UBR2: variants seen among roughly 807,000 people sequenced by gnomAD.
UBR2 encodes the protein ubiquitin protein ligase E3 component n-recognin 2.
A neutral mutation model predicts 247.9 loss-of-function variants in UBR2; 92 were observed. That is an observed-to-expected ratio of 0.37 (90% confidence interval 0.31 to 0.44). The LOEUF (loss-of-function observed/expected upper bound fraction) is 0.44, where lower values mean the gene tolerates loss of function less well. Ranked by LOEUF, UBR2 falls within the 20% of genes least tolerant of loss-of-function variation. The pLI is 1.00. For synonymous variants in UBR2, 672 were observed against 693.5 expected (o/e 0.97, Z 0.49); for missense variants, 1,613 against 2,112.6 (o/e 0.76, Z 4.64).
chr6:42,640,386 GTGTGTGTGTGTGTGTGTGTGTGTGTGT>G lies in UBR2; in HGVS notation c.1920+117_1920+143del, dbSNP rs1796358445. The G allele has an allele frequency of 4.8e-5, 22 of 461,236 alleles. 3 individuals carry two copies. Among genetic ancestry groups the G allele is most frequent in the Non-Finnish European group, 6.8e-5 (18 of 263,396 alleles). The allele number at this position is 461,236 out of a possible 1,614,324, so 28.6% of individuals were successfully genotyped here. A position where few individuals can be genotyped will look rare whatever the true frequency, so the allele number is the denominator to read the frequency against. On this transcript the variant is annotated intron_variant, in intron 16 of 46. Transcript: ENST00000372901. ...TCCAGAGGAACAGAACCAGTAAGGT[GTGTGTGTGTGTGTGTGTGTGTGTGTGT>G]GTGTGTGTGTGTGTGTGTGTGTATA...
At chr6:42,682,416 A>G (rs408725) in intron 42 of UBR2, among the ~76,000 whole-genome samples, 41,522 of 151,456 alleles carry the variant, frequency 0.27, 5,699 homozygotes, top group Non-Finnish European at 0.3. Flanking sequence ...TATGTTATAT[A>G]TATTTTACCA....
Position 42,663,431 on chromosome 6 carries a change from C to A in UBR2, c.3698+12C>A. ...AATATTTTTAACAAGTAAGTTTTGG[C>A]TCATGACAACTATTACAAAGCAATA... On this transcript the variant is annotated intron_variant, in intron 32 of 46. Coordinates refer to ENST00000372901, the MANE Select transcript of UBR2 (RefSeq NM_001363705.2). The A allele has an allele frequency of 6.3e-7, 1 of 1,599,308 alleles. No homozygotes were observed.
chr6:42,632,951 C>CTTTTTTTTTTTTTTTTT, intron 13 of UBR2, 47 bp downstream of exon 13: 1 of 941,776 alleles, frequency 1.1e-6, no homozygotes, highest in Non-Finnish European at 1.4e-6. Flanking sequence ...TTTTTTTTCT[C>CTTTTTTTTTTTTTTTTT]TTTTCTCTTT....
chr6:42,632,679 A>C lies in UBR2; in HGVS notation c.1409A>C (p.Lys470Thr). The C allele has an allele frequency of 6.2e-7, 1 of 1,611,948 alleles. No individual in the cohort carries two copies. Among genetic ancestry groups the C allele is most frequent in the African/African-American group, 1.3e-5 (1 of 74,942 alleles). ...CGATACACTGCTTTACAAGCCTTCA[A>C]ATTTAGGAGAGTACAGAGCCTTATT... ...FERYTALQAF[K>T]FRRVQSLILD... Residue 470 changes from lysine (K) to threonine (T), a missense_variant, in exon 12 of 47, where the codon AAA (lysine) becomes ACA (threonine). Physicochemically the swap from Lys to Thr is moderately conservative, Grantham distance 78 (BLOSUM62 -1). Coordinates refer to ENST00000372901, the MANE Select transcript of UBR2 (RefSeq NM_001363705.2).
At chr6:42,639,064 AACAGTTCATGG>A (rs1286194469) in intron 15 of UBR2, among the ~76,000 whole-genome samples, 4 of 152,184 alleles carry the variant, frequency 2.6e-5, no homozygotes, top group African/African-American at 9.7e-5. Context: ...ACCAACACAA[AACAGTTCATGG>A]ACAGTTTGAA....
At chr6:42,620,801 TTTTGTTTG>T (rs150567240) in intron 11 of UBR2, among the ~76,000 whole-genome samples, 1 of 151,534 alleles carries the variant, frequency 6.6e-6, no homozygotes, top group Non-Finnish European at 1.5e-5. Context: ...CATGTACTAA[TTTTGTTTG>T]TTTGTTTGTT....
chr6:42,641,453 AT>A (rs1037477303), intron 16 of UBR2, 128 bp from the exon 17 acceptor site: 10 of 567,290 alleles, frequency 1.8e-5, no homozygotes, highest in Non-Finnish European at 2.5e-5. Flanking sequence ...GTCTCAAAAA[AT>A]AATAATAATA....
Position 42,663,307 on chromosome 6 carries a change from C to T in UBR2, c.3586C>T (p.Arg1196Cys), listed in dbSNP as rs1346892496. 4.3e-6 allele frequency: 7 copies of T among 1,613,258 alleles called. No individual in the cohort carries two copies. The highest frequency in any genetic ancestry group is 5.9e-6 in the Non-Finnish European group (7 of 1,179,702). ...AGAACAGCGAAGGCAACAGAGATTA[C>T]GCTTACATACGAGCTATGATGTAGA... ...AKEQRRQQRL[R>C]LHTSYDVENG... Residue 1196 changes from arginine (R) to cysteine (C), a missense_variant, in exon 32 of 47, where the codon CGC (arginine) becomes TGC (cysteine). Arg to Cys is a radical substitution (Grantham distance 180). Transcript: ENST00000372901.
intron 32 of UBR2, among the ~76,000 whole-genome samples, chr6:42,663,988 G>C (rs924864317): frequency 1.4e-4 from 22 of 152,202 alleles, no homozygotes; most frequent in Middle Eastern, 3.4e-3. Flanking sequence ...GTGAGACCCT[G>C]TCTGTACAAA....
At chr6:42,573,657 A>G in intron 1 of UBR2, 77 bp from the exon 2 acceptor site, 11 of 1,385,578 alleles carry the variant, frequency 7.9e-6, no homozygotes, top group Non-Finnish European at 1.0e-5. Flanking sequence ...TTTTGTACCT[A>G]AAAGAAAGTA....
intron 44 of UBR2, 110 bp downstream of exon 44, chr6:42,684,981 G>GT: frequency 1.1e-6 from 1 of 893,626 alleles, no homozygotes; most frequent in Non-Finnish European, 1.7e-6. Context: ...AATCATATCT[G>GT]TAGTCCTTTA....
intron 4 of UBR2, among the ~76,000 whole-genome samples, chr6:42,598,929 G>C (rs931228314): frequency 4.6e-5 from 7 of 151,756 alleles, no homozygotes; most frequent in Admixed American, 4.6e-4. Context: ...CACTCTATTA[G>C]GTGCATTCTT....
intron 17 of UBR2, 66 bp from the exon 18 acceptor site, chr6:42,642,350 G>T (rs990144033): frequency 8.8e-7 from 1 of 1,134,674 alleles, no homozygotes; most frequent in East Asian, 2.6e-5. Context: ...GTGCTTTTGG[G>T]GAAGGATTAG....
intron 44 of UBR2, among the ~76,000 whole-genome samples, chr6:42,686,679 C>T (rs979260868): frequency 6.7e-6 from 1 of 149,830 alleles, no homozygotes; most frequent in African/African-American, 2.4e-5. Flanking sequence ...CCCCACCTCC[C>T]GGACGGGGCG....
rs913759930 is a variant in UBR2, at chr6:42,692,693, C to T, written c.*1520C>T. ...CTCAGCTACCAGTCAACTAGGCATG[C>T]TCCACAGTATCACAGGAAGAAGGTC... On this transcript the variant is annotated 3_prime_UTR_variant, in exon 47 of 47. Transcript: ENST00000372901. 1.3e-5 allele frequency: 2 copies of T among 152,168 alleles called. No homozygotes were observed. The highest frequency in any genetic ancestry group is 2.9e-5 in the Non-Finnish European group (2 of 68,046). The allele number at this position is 152,168 out of a possible 1,614,324, so 9.4% of individuals were successfully genotyped here. A position where few individuals can be genotyped will look rare whatever the true frequency, so the allele number is the denominator to read the frequency against.
At chr6:42,675,396 G>T (rs1200744379) in intron 38 of UBR2, among the ~76,000 whole-genome samples, 1 of 152,184 alleles carries the variant, frequency 6.6e-6, no homozygotes, top group Non-Finnish European at 1.5e-5. Flanking sequence ...GGAGGAGGTA[G>T]GATTCATATC....
At chr6:42,626,425 G>C (rs1286616160) in intron 11 of UBR2, among the ~76,000 whole-genome samples, 3 of 152,136 alleles carry the variant, frequency 2.0e-5, no homozygotes, top group Non-Finnish European at 4.4e-5. Flanking sequence ...GAAAGTGAGA[G>C]GACACTTTAC....
intron 5 of UBR2, among the ~76,000 whole-genome samples, chr6:42,604,814 C>T (rs924592063): frequency 5.9e-5 from 9 of 152,152 alleles, no homozygotes; most frequent in Admixed American, 2.0e-4. Flanking sequence ...ATCACTTGAG[C>T]CCAGGAGTTG....
chr6:42,635,073 C>T (rs1001689503), intron 13 of UBR2, among the ~76,000 whole-genome samples: 2 of 152,054 alleles, frequency 1.3e-5, no homozygotes, highest in Non-Finnish European at 2.9e-5. Context: ...ATTTTAAAAG[C>T]TTGTCACATT....
Sources: allele counts gnomAD v4.1 joint callset (sites outside exome capture counted in the v4.1 genomes callset), GRCh38; gene constraint gnomAD v4.1.1; transcripts MANE v1.5; gene names NCBI Gene and HGNC (gene_info 2026-07-23, HGNC 2026-07-21).